The following ARID3A variants were observed in gnomAD, a reference collection of about 807,000 sequenced individuals.
ARID3A encodes AT-rich interaction domain 3A, also known as AT-rich interactive domain-containing protein 3A.
ARID3A carries 11 observed loss-of-function variants against 52.7 expected under a neutral mutation model. The observed-to-expected ratio is 0.21, with a 90% CI of 0.13 to 0.35. The LOEUF is 0.35. Among genes scored for constraint, ARID3A ranks in the 10% least tolerant of loss-of-function variants. The pLI is 1.00. For missense variants in ARID3A, 721 were observed against 838.5 expected, an observed-to-expected ratio of 0.86 and a Z score of 1.73; for synonymous variants, 404 against 359.4, an observed-to-expected ratio of 1.12 and a Z score of -1.40.
intron 3 of ARID3A, among the ~76,000 whole-genome samples, chr19:958,947 C>T (rs960667884): frequency 2.2e-4 from 34 of 152,176 alleles, no homozygotes; most frequent in South Asian, 2.1e-4. Context: ...CTGTGTTAGA[C>T]GCACAGACAC....
chr19:931,961 A>G (rs2145353662), intron 2 of ARID3A, among the ~76,000 whole-genome samples: 1 of 149,826 alleles, frequency 6.7e-6, no homozygotes, highest in Admixed American at 6.6e-5. Context: ...GACAGCATGC[A>G]TGGTGCAGGA....
Position 932,624 on chromosome 19 carries a change from T to C in ARID3A, c.575T>C (p.Leu192Pro), listed in dbSNP as rs2145356258. Reference sequence around the variant, plus strand: ...CGCGGCGATGGCGTTCCCAGGGTGCTGGGGGGCCAGGAGCGGCCGGGGCCT... The same window carrying C: ...CGCGGCGATGGCGTTCCCAGGGTGCCGGGGGGCCAGGAGCGGCCGGGGCCT... ...AFRGDGVPRV[L>P]GGQERPGPGP... The change falls in exon 3 of 9, where the codon CTG becomes CCG. Residue 192 changes from leucine (L) to proline (P), a missense_variant. This residue lies in a region of ARID3A where 349 missense variants were observed against 297.3 expected (regional missense o/e 1.17). Transcript: ENST00000263620. 6.5e-7 allele frequency: 1 copy of C among 1,533,656 alleles called. No homozygotes were observed. Among genetic ancestry groups the C allele is most frequent in the Non-Finnish European group, 8.8e-7 (1 of 1,141,472 alleles).
Position 964,473 on chromosome 19 carries a change from C to G in ARID3A, c.950+42C>G. On this transcript the variant is annotated intron_variant, in intron 5 of 8. Transcript: ENST00000263620. This position sits in a 1 kb window ranked among gnomAD's most constrained non-coding sequence, Gnocchi z 5.7. ...TGTGCCGAGGTCGGGCCAGGGCACT[C>G]TGAGCAGCCAGTGCAAGGGGCCTGC... 1 of 1,530,574 alleles carries G rather than the reference C, an allele frequency of 6.5e-7. No individual in the cohort carries two copies. Among genetic ancestry groups the G allele is most frequent in the Non-Finnish European group, 8.8e-7 (1 of 1,134,990 alleles). The allele number at this position is 1,530,574 out of a possible 1,614,324, so 94.8% of individuals were successfully genotyped here.
In ARID3A at chr19:932,599, C is replaced by A. The variant is rs749403652; in HGVS notation, c.550C>A (p.Arg184Ser). Reference sequence around the variant, plus strand: ...AAAGGCCCAGCCACCCCAGGCCTTCCGCGGCGATGGCGTTCCCAGGGTGCT... The same window carrying A: ...AAAGGCCCAGCCACCCCAGGCCTTCAGCGGCGATGGCGTTCCCAGGGTGCT... ...PRKAQPPQAF[R>S]GDGVPRVLGG... The change falls in exon 3 of 9, where the codon CGC becomes AGC. Residue 184 changes from arginine (R) to serine (S), a missense_variant. Arg to Ser is a moderately radical substitution (Grantham distance 110). This residue lies in a region of ARID3A where 349 missense variants were observed against 297.3 expected (regional missense o/e 1.17). Coordinates refer to ENST00000263620, the MANE Select transcript of ARID3A (RefSeq NM_005224.3). The A allele has an allele frequency of 6.6e-7, 1 of 1,516,892 alleles. No homozygotes were observed. Among genetic ancestry groups the A allele is most frequent in the African/African-American group, 1.4e-5 (1 of 70,966 alleles). 94.0% of individuals were successfully genotyped at this position (1,516,892 alleles called of 1,614,324 possible).
intron 3 of ARID3A, among the ~76,000 whole-genome samples, chr19:957,639 G>C (rs966150516): frequency 6.6e-6 from 1 of 152,148 alleles, no homozygotes; most frequent in Non-Finnish European, 1.5e-5. Context: ...CCAGGAGGTC[G>C]AGACCAGCCA....
At position 966,643 on chromosome 19, in the gene ARID3A, G is replaced by A; in HGVS notation, c.1270G>A (p.Ala424Thr). 6.2e-7 allele frequency: 1 copy of A among 1,603,160 alleles called. No homozygotes were observed. Among genetic ancestry groups the A allele is most frequent in the Non-Finnish European group, 8.5e-7 (1 of 1,172,272 alleles). ...PVSLAGHPVV[A>T]AQAAAVQAAA... ...GTCCCTGGCGGGCCACCCTGTGGTG[G>A]CAGCCCAGGCAGCAGCTGTGCAAGC... is the stretch of plus-strand genomic sequence containing the variant. Residue 424 changes from alanine (A) to threonine (T), a missense_variant, in exon 7 of 9, where the codon GCA becomes ACA. Transcript: ENST00000263620.
chr19:930,668 C>A (rs922749422), intron 2 of ARID3A, among the ~76,000 whole-genome samples: 1 of 150,854 alleles, frequency 6.6e-6, no homozygotes, highest in Non-Finnish European at 1.5e-5. Flanking sequence ...CGCCACCACG[C>A]CTGGCTAACT....
intron 3 of ARID3A, among the ~76,000 whole-genome samples, chr19:939,194 C>CTG (rs1372473107): frequency 2.6e-5 from 4 of 152,036 alleles, no homozygotes; most frequent in Admixed American, 6.6e-5. Flanking sequence ...TCTCGGCTCA[C>CTG]TGCAACCTCC....
At chr19:926,342 C>A (rs965419981) in intron 1 of ARID3A, among the ~76,000 whole-genome samples, 2 of 151,600 alleles carry the variant, frequency 1.3e-5, no homozygotes, top group African/African-American at 4.8e-5. Context: ...GCGGCCCTGG[C>A]GGGCTGGGGT....
intron 3 of ARID3A, among the ~76,000 whole-genome samples, chr19:946,813 T>TGTGA (rs1568363217): frequency 6.6e-6 from 1 of 151,192 alleles, no homozygotes; most frequent in African/African-American, 2.4e-5. Context: ...TGTGTGTGTG[T>TGTGA]GACAGGGTCT....
At position 933,847 on chromosome 19, in the gene ARID3A, G is replaced by GT. The variant is rs1491323163; in HGVS notation, c.693+1105_693+1106insT. On this transcript the variant is annotated intron_variant, in intron 3 of 8. Transcript: ENST00000263620. ...GCCAGGGCAGCGGCGGGGACTCGGT[G>GT]GGGGGGGGGGGCGTCTCGCTGATTC... Among the ~76,000 whole-genome samples the GT allele has an allele frequency of 2.7e-4, 22 of 81,602 alleles. 1 individual carries two copies. Among genetic ancestry groups the GT allele is most frequent in the African/African-American group, 9.2e-4 (22 of 23,962 alleles). The allele number at this position is 81,602 out of a possible 152,430, so 53.5% of individuals were successfully genotyped here. A position where few individuals can be genotyped will look rare whatever the true frequency, so the allele number is the denominator to read the frequency against.
chr19:948,932 C>T (rs2037744415), intron 3 of ARID3A, among the ~76,000 whole-genome samples: 1 of 152,098 alleles, frequency 6.6e-6, no homozygotes. Context: ...TGGTCTCAAA[C>T]TCCTGACCTC....
In ARID3A at chr19:945,301, T is replaced by G. The variant is rs561347572; in HGVS notation, c.693+12559T>G. On this transcript the variant is annotated intron_variant, in intron 3 of 8. Coordinates refer to ENST00000263620, the MANE Select transcript of ARID3A (RefSeq NM_005224.3). ...GGTATCAGAAGGAGTGCAGCTCTTGTGACTTTGTTTTCATCCTTGGCCTTT... is the reference window on the plus strand; with the variant it reads ...GGTATCAGAAGGAGTGCAGCTCTTGGGACTTTGTTTTCATCCTTGGCCTTT... Among the ~76,000 whole-genome samples, 14 of 152,366 alleles carry G rather than the reference T, an allele frequency of 9.2e-5. No homozygotes were observed. In the East Asian group the frequency reaches 2.7e-3, roughly 29 times the overall value.
intron 6 of ARID3A, among the ~76,000 whole-genome samples, chr19:966,267 C>G (rs897905850): frequency 1.4e-4 from 21 of 151,878 alleles, no homozygotes; most frequent in Middle Eastern, 3.4e-3. Flanking sequence ...CAAGACCAGC[C>G]TGGCCAACAT....
rs1392657094 is a variant in ARID3A at position 966,894 on chromosome 19, T to C, written c.1495+26T>C. 2.5e-6 allele frequency: 4 copies of C among 1,575,892 alleles called. No individual in the cohort carries two copies. In the South Asian group the frequency reaches 3.5e-5, roughly 14 times the overall value. ...GTACTGCCCTCGTGCCCAGACCCGC[T>C]GTGCTTCCTGCGTGTGTCACACAGT... On this transcript the variant is annotated intron_variant, in intron 7 of 8. Transcript: ENST00000263620.
Position 929,964 on chromosome 19 carries a change from T to G in ARID3A, c.368+68T>G. 6.6e-6 allele frequency: 10 copies of G among 1,524,182 alleles called. No homozygotes were observed. Among genetic ancestry groups the G allele is most frequent in the Non-Finnish European group, 8.8e-6 (10 of 1,138,888 alleles). The allele number at this position is 1,524,182 out of a possible 1,614,324, so 94.4% of individuals were successfully genotyped here. Reference sequence around the variant, plus strand: ...GGCTCTGAGTGTCACTCTGCTCATCTGCAGAATGGGAGTAAGGGTCAGGTC... The same window carrying G: ...GGCTCTGAGTGTCACTCTGCTCATCGGCAGAATGGGAGTAAGGGTCAGGTC... On this transcript the variant is annotated intron_variant, in intron 2 of 8. Transcript: ENST00000263620. This position sits in a 1 kb window ranked among gnomAD's most constrained non-coding sequence, Gnocchi z 6.2.
Position 944,687 on chromosome 19 carries a change from G to A in ARID3A, c.693+11945G>A, listed in dbSNP as rs1292528539. ...GTCACCCAGGCTGGAGTGCCGCGGT[G>A]CAGTCATAGCTCACTGCAGCCTCGA... On this transcript the variant is annotated intron_variant, in intron 3 of 8. Transcript: ENST00000263620. The surrounding 1 kb of genome is among the most constrained non-coding windows in gnomAD (Gnocchi z 5.9). Among the ~76,000 whole-genome samples, 3 of 152,168 alleles carry A rather than the reference G, an allele frequency of 2.0e-5. No homozygotes were observed. The highest frequency in any genetic ancestry group is 6.5e-5 in the Admixed American group (1 of 15,286).
intron 3 of ARID3A, among the ~76,000 whole-genome samples, chr19:946,995 A>T (rs1433937122): frequency 4.8e-5 from 7 of 147,270 alleles, no homozygotes; most frequent in Non-Finnish European, 8.9e-5. Context: ...GGGTTTTGTC[A>T]TATTGCCCAG....
intron 3 of ARID3A, among the ~76,000 whole-genome samples, chr19:946,844 A>G (rs545375941): frequency 2.0e-5 from 3 of 151,610 alleles, no homozygotes; most frequent in Non-Finnish European, 4.4e-5. Context: ...CCCAGGCTGG[A>G]GTGCAGTGAT....
Sources: gnomAD v4.1 joint callset for allele counts (sites outside exome capture counted in the v4.1 genomes callset) on GRCh38, gnomAD v4.1.1 for gene constraint, gnomAD v4.1.1 regional missense constraint, Gnocchi (gnomAD v3.1) non-coding constraint, MANE v1.5 for transcripts, NCBI Gene and HGNC (gene_info 2026-07-23, HGNC 2026-07-21) for gene names.